Variants in RIIAD1 observed in about 807,000 individuals in gnomAD.
RIIAD1 encodes the protein regulatory subunit of type II PKA R-subunit domain containing 1.
RIIAD1 carries 15 observed loss-of-function variants against 13.3 expected under a neutral mutation model. The observed-to-expected ratio is 1.13, with a 90% CI of 0.76 to 1.74. RIIAD1 has a LOEUF of 1.74. RIIAD1 is among the 40% of genes most tolerant of loss of function. The pLI is 0.00. For synonymous variants in RIIAD1, 50 were observed against 43.3 expected (o/e 1.16, Z -0.61); for missense variants, 121 against 112.2 (o/e 1.08, Z -0.35).
At position 151,727,491 on chromosome 1, in the gene RIIAD1, G is replaced by C. The variant is rs1404074534; in HGVS notation, c.162-84G>C. On this transcript the variant is annotated intron_variant, in intron 2 of 4. Coordinates refer to ENST00000479191, the MANE Select transcript of RIIAD1 (RefSeq NM_001144956.3). Reference sequence around the variant, plus strand: ...AGATGGTTGTGTCTCAGGTTCATCTGTGAAAGTACAGGACCTGAAACAGTA... The same window carrying C: ...AGATGGTTGTGTCTCAGGTTCATCTCTGAAAGTACAGGACCTGAAACAGTA... 3 of 886,870 alleles carry C rather than the reference G, an allele frequency of 3.4e-6. No individual in the cohort carries two copies. In the East Asian group the frequency reaches 7.9e-5, roughly 23 times the overall value. The allele number at this position is 886,870 out of a possible 1,614,324, so 54.9% of individuals were successfully genotyped here.
At chr1:151,716,343 G>A (rs1024020152) in intron 4 of RIIAD1, 10 of 327,946 alleles carry the variant, frequency 3.0e-5, no homozygotes, top group Non-Finnish European at 5.1e-5. Flanking sequence ...GGGTTAGGTG[G>A]TAGCCGGGGG....
upstream of RIIAD1, among the ~76,000 whole-genome samples, chr1:151,718,772 C>T (rs138954743): frequency 1.1e-4 from 16 of 152,266 alleles, no homozygotes; most frequent in African/African-American, 3.9e-4. Flanking sequence ...ACGGCAGAGC[C>T]AGGGAATCAA....
chr1:151,716,326 AC>A (rs1023063201), intron 4 of RIIAD1: 1 of 365,078 alleles, frequency 2.7e-6, no homozygotes, highest in Non-Finnish European at 5.0e-6. Flanking sequence ...TATGGCCAAG[AC>A]CTGGAGGGTT....
intron 4 of RIIAD1, among the ~76,000 whole-genome samples, chr1:151,715,055 C>G (rs1336946000): frequency 6.6e-6 from 1 of 152,086 alleles, no homozygotes; most frequent in African/African-American, 2.4e-5. Flanking sequence ...CATCATCCCT[C>G]TCTTCTCCCA....
upstream of RIIAD1, among the ~76,000 whole-genome samples, chr1:151,719,185 G>A (rs1204850181): frequency 6.6e-6 from 1 of 152,176 alleles, no homozygotes; most frequent in Non-Finnish European, 1.5e-5. Flanking sequence ...GAGGAGAAGA[G>A]TTGTACCACT....
chr1:151,726,936 C>T (rs566303187), intron 2 of RIIAD1, among the ~76,000 whole-genome samples: 4 of 152,290 alleles, frequency 2.6e-5, no homozygotes, highest in Admixed American at 1.3e-4. Context: ...ATTCGTGGGC[C>T]GGCCGGCATG....
chr1:151,724,976 A>G (rs1362698604), intron 2 of RIIAD1, among the ~76,000 whole-genome samples: 1 of 137,858 alleles, frequency 7.3e-6, no homozygotes, highest in Non-Finnish European at 1.6e-5. Context: ...ATTATTTTGC[A>G]TTTTTTTTTT....
intron 2 of RIIAD1, among the ~76,000 whole-genome samples, chr1:151,724,909 CCT>C (rs1673800165): frequency 6.6e-6 from 1 of 151,742 alleles, no homozygotes; most frequent in South Asian, 2.1e-4. Context: ...ACGCCATTCT[CCT>C]GCCTCAGCCT....
In RIIAD1 at chr1:151,726,110, T is replaced by C. The variant is rs187477221; in HGVS notation, c.162-1465T>C. Among the ~76,000 whole-genome samples, 11 of 152,288 alleles carry C rather than the reference T, an allele frequency of 7.2e-5. No homozygotes were observed. The East Asian group carries it at 1.7e-3, about 24-fold the overall frequency. On this transcript the variant is annotated intron_variant, in intron 2 of 4. Transcript: ENST00000479191. ...TTGCTGTTTCCCTGGATCTGGAATG[T>C]TTTTGTCCCTCAACCCTCATCCTGC...
chr1:151,725,107 C>CTT (rs71759600), intron 2 of RIIAD1, among the ~76,000 whole-genome samples: 3,296 of 84,600 alleles, frequency 0.039, 278 homozygotes, highest in Middle Eastern at 0.086. Flanking sequence ...CGCACCTCGC[C>CTT]TTTTTTTTTT....
intron 3 of RIIAD1, 77 bp downstream of exon 3, chr1:151,727,698 G>A (rs2101516553): frequency 6.2e-6 from 6 of 966,880 alleles, no homozygotes; most frequent in South Asian, 1.4e-5. Flanking sequence ...AGACTTGAAT[G>A]AGCCCAGGAT....
At chr1:151,728,490 G>GAC in intron 3 of RIIAD1, 1 of 301,270 alleles carries the variant, frequency 3.3e-6, no homozygotes. Flanking sequence ...GTGGGGGGTG[G>GAC]GGGGTGGGGG....
chr1:151,713,708 C>G (rs1673216681), intron 3 of RIIAD1: 1 of 153,750 alleles, frequency 6.5e-6, no homozygotes, highest in Non-Finnish European at 1.4e-5. Context: ...GTGCATGGCC[C>G]TTAACTCTGG....
chr1:151,728,183 A>G lies in RIIAD1; in HGVS notation c.208+562A>G, dbSNP rs763749592. On this transcript the variant is annotated intron_variant, in intron 3 of 4. Coordinates refer to ENST00000479191, the MANE Select transcript of RIIAD1 (RefSeq NM_001144956.3). ...TCAAACCATTGCTAACAGAATCTCA[A>G]TACGCCTTTGCTAGCGCAGCAGATG... Among the ~76,000 whole-genome samples, 90 of 152,170 alleles carry G rather than the reference A, an allele frequency of 5.9e-4. 1 individual carries two copies. Among genetic ancestry groups the G allele is most frequent in the Admixed American group, 2.6e-3 (39 of 15,286 alleles).
At chr1:151,714,577 C>A (rs960113505) in intron 4 of RIIAD1, 1 of 1,548,622 alleles carries the variant, frequency 6.5e-7, no homozygotes, top group South Asian at 1.2e-5. Context: ...CCTGGCCCTG[C>A]AAAGGGCAGG....
At chr1:151,716,074 A>G (rs1314410868) in intron 4 of RIIAD1, 1 of 1,537,350 alleles carries the variant, frequency 6.5e-7, no homozygotes, top group East Asian at 2.3e-5. Context: ...CCAAAGGCCA[A>G]GGGGAGCTGC....
chr1:151,728,390 C>A lies in RIIAD1; in HGVS notation c.209-376C>A, dbSNP rs889167862. The A allele has an allele frequency of 9.6e-5, 24 of 248,718 alleles. No homozygotes were observed. In the South Asian group the frequency reaches 1.9e-3, roughly 19 times the overall value. The allele number at this position is 248,718 out of a possible 1,614,324, so 15.4% of individuals were successfully genotyped here. On this transcript the variant is annotated intron_variant, in intron 3 of 4. Coordinates refer to ENST00000479191, the MANE Select transcript of RIIAD1 (RefSeq NM_001144956.3). ...CATTTATTTGGGCCCCAAGATGGGC[C>A]TGGAGCAGAAAACCCAGAGAATCCC... is the stretch of plus-strand genomic sequence containing the variant.
Position 151,728,891 on chromosome 1 carries a change from G to A in RIIAD1, c.*55G>A, listed in dbSNP as rs1285320895. The A allele has an allele frequency of 2.0e-6, 2 of 998,616 alleles. No homozygotes were observed. Among genetic ancestry groups the A allele is most frequent in the Non-Finnish European group, 3.1e-6 (2 of 643,396 alleles). 61.9% of individuals were successfully genotyped at this position (998,616 alleles called of 1,614,324 possible). On this transcript the variant is annotated splice_region_variant and 3_prime_UTR_variant, in exon 4 of 5. Coordinates refer to ENST00000479191, the MANE Select transcript of RIIAD1 (RefSeq NM_001144956.3). ...GAGAGACCAGACGGAATCCAGCCTCGGGGTGGGTGTTAACCTCACTTACAG... is the reference window on the plus strand; with the variant it reads ...GAGAGACCAGACGGAATCCAGCCTCAGGGTGGGTGTTAACCTCACTTACAG...
At chr1:151,713,797 G>A (rs1339926659) in intron 3 of RIIAD1, among the ~76,000 whole-genome samples, 1 of 152,236 alleles carries the variant, frequency 6.6e-6, no homozygotes, top group East Asian at 1.9e-4. Flanking sequence ...TGGATTTGCC[G>A]CAGTTGGCTT....
Sources: allele counts gnomAD v4.1 joint callset (sites outside exome capture counted in the v4.1 genomes callset), GRCh38; gene constraint gnomAD v4.1.1; transcripts MANE v1.5; gene names NCBI Gene and HGNC (gene_info 2026-07-23, HGNC 2026-07-21).